PHIP: variants seen among roughly 807,000 people sequenced by gnomAD.
PHIP encodes the protein PH-interacting protein.
PHIP carries 54 observed loss-of-function variants against 236.8 expected under a neutral mutation model. The observed-to-expected ratio is 0.23, with a 90% CI of 0.18 to 0.29. The LOEUF is 0.29. Among genes scored for constraint, PHIP ranks in the 10% least tolerant of loss-of-function variants. The pLI is 1.00. For synonymous variants in PHIP, 756 were observed against 718.9 expected (o/e 1.05, Z -0.83); for missense variants, 1,370 against 2,190.8 (o/e 0.63, Z 7.48).
At chr6:79,034,915 A>G (rs1378072302) in intron 7 of PHIP, among the ~76,000 whole-genome samples, 1 of 152,182 alleles carries the variant, frequency 6.6e-6, no homozygotes, top group Non-Finnish European at 1.5e-5. Context: ...AGTGTGCGGG[A>G]TGGCAACTAA....
At chr6:79,063,325 C>T (rs1184937124) in intron 4 of PHIP, among the ~76,000 whole-genome samples, 1 of 152,144 alleles carries the variant, frequency 6.6e-6, no homozygotes, top group Non-Finnish European at 1.5e-5. Flanking sequence ...TCAAAAAACC[C>T]AAAACATTTT....
Position 78,982,029 on chromosome 6 carries a change from G to A in PHIP, c.2769+857C>T, listed in dbSNP as rs149310358. On this transcript the variant is annotated intron_variant, in intron 23 of 39. Transcript: ENST00000275034. ...TATTCTTATACTTTTTGAAAGCTCT[G>A]TGGGAATAAAGACCCTACGGTCTCC... Among the ~76,000 whole-genome samples the A allele has an allele frequency of 8.8e-3, 1,333 of 152,058 alleles. 21 individuals carry two copies. Among genetic ancestry groups the A allele is most frequent in the African/African-American group, 0.029 (1,207 of 41,534 alleles).
chr6:79,044,030 A>G (rs112826694), intron 6 of PHIP, among the ~76,000 whole-genome samples: 13 of 152,026 alleles, frequency 8.6e-5, no homozygotes, highest in African/African-American at 3.1e-4. Flanking sequence ...AGTATTGCTT[A>G]TATTATTCAC....
At chr6:79,025,911 C>A in intron 8 of PHIP, 32 bp downstream of exon 8, 1 of 1,412,988 alleles carries the variant, frequency 7.1e-7, no homozygotes, top group Non-Finnish European at 9.9e-7. Flanking sequence ...ACAACAACAA[C>A]AACAACAATG....
intron 9 of PHIP, among the ~76,000 whole-genome samples, chr6:79,023,210 C>A (rs1771211020): frequency 6.6e-6 from 1 of 152,138 alleles, no homozygotes; most frequent in South Asian, 2.1e-4. Context: ...CCCTGAGTAG[C>A]TGGGACTATA....
intron 22 of PHIP, among the ~76,000 whole-genome samples, chr6:78,983,381 C>A (rs1034828681): frequency 1.3e-5 from 2 of 152,094 alleles, no homozygotes; most frequent in African/African-American, 4.8e-5. Context: ...TAAGTACCTT[C>A]CAAGATTTTA....
intron 19 of PHIP, among the ~76,000 whole-genome samples, chr6:78,995,607 T>C (rs2127727077): frequency 6.6e-6 from 1 of 152,350 alleles, no homozygotes; most frequent in South Asian, 2.1e-4. Context: ...CAACTTGTAT[T>C]TCCCTAGTGG....
chr6:79,035,432 A>G lies in PHIP; in HGVS notation c.600+7411T>C, dbSNP rs117050269. ...TACTTCTGTTCAGATAACTTGAGAA[A>G]CCTTAAAATTAAAATATTGACCTAT... On this transcript the variant is annotated intron_variant, in intron 7 of 39. Coordinates refer to ENST00000275034, the MANE Select transcript of PHIP (RefSeq NM_017934.7). Among the ~76,000 whole-genome samples, 59 of 152,314 alleles carry G rather than the reference A, an allele frequency of 3.9e-4. No homozygotes were observed. In the East Asian group the frequency reaches 0.011, roughly 28 times the overall value.
chr6:79,026,689 T>A (rs1370776429), intron 7 of PHIP, among the ~76,000 whole-genome samples: 1 of 151,980 alleles, frequency 6.6e-6, no homozygotes, highest in East Asian at 1.9e-4. Context: ...TCAATAAAAA[T>A]ACATAATTAC....
intron 19 of PHIP, 82 bp downstream of exon 19, chr6:78,997,332 T>C: frequency 8.2e-7 from 1 of 1,222,412 alleles, no homozygotes; most frequent in South Asian, 1.4e-5. Context: ...ATTACAGAGC[T>C]GAAAATAACA....
At chr6:78,985,238 T>A (rs1037761693) in intron 22 of PHIP, 114 bp downstream of exon 22, 1 of 674,712 alleles carries the variant, frequency 1.5e-6, no homozygotes, top group African/African-American at 1.8e-5. Flanking sequence ...CTTCAAAAAC[T>A]CTCTGAAGAA....
At position 79,069,614 on chromosome 6, in the gene PHIP, T is replaced by C. The variant is rs1159546577; in HGVS notation, c.189+7834A>G. On this transcript the variant is annotated intron_variant, in intron 4 of 39. Transcript: ENST00000275034. ...AAGTTTACTGATATTTTTATTATGT[T>C]ACAGCTTCCTTATTAGAACTTTAGT... Among the ~76,000 whole-genome samples the C allele has an allele frequency of 4.6e-5, 7 of 152,130 alleles. No homozygotes were observed. In the East Asian group the frequency reaches 1.3e-3, roughly 29 times the overall value.
intron 24 of PHIP, 136 bp from the exon 25 acceptor site, chr6:78,971,024 C>G: frequency 1.6e-6 from 1 of 616,898 alleles, no homozygotes; most frequent in Non-Finnish European, 2.8e-6. Context: ...CTCCCTCCTC[C>G]TTTCTCTCAA....
chr6:78,965,295 C>A (rs1357343558), intron 29 of PHIP, among the ~76,000 whole-genome samples: 3 of 152,010 alleles, frequency 2.0e-5, no homozygotes, highest in African/African-American at 4.8e-5. Context: ...ATGGAACTTG[C>A]CAAGATCACA....
In PHIP at chr6:79,042,826, C is replaced by T; in HGVS notation, c.600+17G>A. On this transcript the variant is annotated intron_variant, in intron 7 of 39. Coordinates refer to ENST00000275034, the MANE Select transcript of PHIP (RefSeq NM_017934.7). Reference sequence around the variant, plus strand: ...ATTACATATATGAATATAAATAATACTTTAGCAATTACTTACAGTAAATAT... The same window carrying T: ...ATTACATATATGAATATAAATAATATTTTAGCAATTACTTACAGTAAATAT... 6.4e-7 allele frequency: 1 copy of T among 1,552,274 alleles called. No homozygotes were observed.
At chr6:79,032,221 C>A (rs1582255438) in intron 7 of PHIP, among the ~76,000 whole-genome samples, 1 of 152,318 alleles carries the variant, frequency 6.6e-6, no homozygotes, top group East Asian at 1.9e-4. Flanking sequence ...ATGCTGACAG[C>A]TGTTGGCTGA....
intron 6 of PHIP, among the ~76,000 whole-genome samples, chr6:79,043,908 A>C (rs1313654759): frequency 2.0e-5 from 3 of 151,732 alleles, no homozygotes; most frequent in Admixed American, 2.0e-4. Context: ...ATTTAGCCCT[A>C]AAGAAAACTA....
chr6:79,057,901 GATA>G (rs1451618441), intron 6 of PHIP, among the ~76,000 whole-genome samples: 1 of 151,964 alleles, frequency 6.6e-6, no homozygotes, highest in Admixed American at 6.6e-5. Flanking sequence ...ACTTTATAGC[GATA>G]ATAAAACAAA....
intron 9 of PHIP, among the ~76,000 whole-genome samples, chr6:79,019,890 TATC>T (rs1300678416): frequency 6.6e-6 from 1 of 152,144 alleles, no homozygotes. Context: ...TGAAGATTTT[TATC>T]ATGACACCAG....
Sources: allele counts gnomAD v4.1 joint callset (sites outside exome capture counted in the v4.1 genomes callset), GRCh38; gene constraint gnomAD v4.1.1; transcripts MANE v1.5; gene names NCBI Gene and HGNC (gene_info 2026-07-23, HGNC 2026-07-21).